The following NEK5 variants were observed in gnomAD, a reference collection of about 807,000 sequenced individuals.
NEK5 encodes the protein NIMA related kinase 5.
In NEK5, 88 loss-of-function variants were observed where a neutral mutation model predicts 109.2. The ratio of observed to expected loss-of-function variants is 0.81; its 90% CI spans 0.68 to 0.96. The LOEUF (loss-of-function observed/expected upper bound fraction) is 0.96, where lower values mean the gene tolerates loss of function less well. Among genes scored for constraint, NEK5 ranks in the 40% least tolerant of loss-of-function variants. The pLI is 0.00. For synonymous variants in NEK5, 283 were observed against 299.9 expected (o/e 0.94, Z 0.58); for missense variants, 834 against 920.7 (o/e 0.91, Z 1.22).
Position 52,101,981 on chromosome 13 carries a change from A to C in NEK5, c.844T>G (p.Cys282Gly), listed in dbSNP as rs1183654928. 2 of 1,614,216 alleles carry C rather than the reference A, an allele frequency of 1.2e-6. No homozygotes were observed. The highest frequency in any genetic ancestry group is 1.7e-6 in the Non-Finnish European group (2 of 1,180,042). The change falls in exon 11 of 24, where the codon TGC (cysteine) becomes GGC (glycine). Residue 282 changes from cysteine (C) to glycine (G), a missense_variant. By Grantham distance (159) the Cys-to-Gly change is radical (BLOSUM62 -3). Transcript: ENST00000684899. ...IQEEFSHMLI[C>G]RAGAPASRHA... is the part of the protein sequence containing the mutation. ...CGAGAAGCTGGCGCTCCTGCTCTGC[A>C]TATAAGCATGTGACTGAATTCTTCC...
chr13:52,062,843 C>T (rs1185594588), intron 21 of NEK5, among the ~76,000 whole-genome samples: 1 of 152,066 alleles, frequency 6.6e-6, no homozygotes, highest in Non-Finnish European at 1.5e-5. Flanking sequence ...GGCTTCAAAG[C>T]AATTTATATG....
In NEK5 at chr13:52,054,724, C is replaced by T. The variant is rs1307426062; in HGVS notation, c.2111-4503G>A. 7.2e-5 allele frequency among the ~76,000 whole-genome samples: 11 copies of T among 152,334 alleles called. No homozygotes were observed. The East Asian group carries it at 1.7e-3, about 24-fold the overall frequency. On this transcript the variant is annotated intron_variant, in intron 22 of 23. Transcript: ENST00000684899. ...CACACGGCCGGGTACTCCAACAGACCTGCAGCTGAGGGTCCTGTCTGTTAG... is the reference window on the plus strand; with the variant it reads ...CACACGGCCGGGTACTCCAACAGACTTGCAGCTGAGGGTCCTGTCTGTTAG...
At chr13:52,070,784 GC>G (rs1457530809) in intron 20 of NEK5, among the ~76,000 whole-genome samples, 1 of 152,168 alleles carries the variant, frequency 6.6e-6, no homozygotes, top group Non-Finnish European at 1.5e-5. Flanking sequence ...GGTCACATAA[GC>G]AAATAAGGCA....
chr13:52,119,223 ATTAAT>A (rs1651859209), intron 4 of NEK5, 91 bp downstream of exon 4: 2 of 544,716 alleles, frequency 3.7e-6, no homozygotes, highest in Non-Finnish European at 3.0e-6. Context: ...ATTTACAAAA[ATTAAT>A]TTATACACAG....
At chr13:52,096,028 G>A (rs1300066097) in intron 12 of NEK5, among the ~76,000 whole-genome samples, 1 of 152,064 alleles carries the variant, frequency 6.6e-6, no homozygotes, top group African/African-American at 2.4e-5. Context: ...GTTTGTAGCG[G>A]CTACCCCTTC....
At chr13:52,055,999 T>G (rs1293887254) in intron 22 of NEK5, among the ~76,000 whole-genome samples, 1 of 152,010 alleles carries the variant, frequency 6.6e-6, no homozygotes, top group East Asian at 1.9e-4. Context: ...AGACACAGAC[T>G]GGCAAATTGG....
intron 23 of NEK5, among the ~76,000 whole-genome samples, chr13:52,043,208 T>C (rs1422912855): frequency 6.6e-6 from 1 of 151,886 alleles, no homozygotes; most frequent in African/African-American, 2.4e-5. Flanking sequence ...AAGGGACACT[T>C]TACTTTTTAA....
intron 13 of NEK5, among the ~76,000 whole-genome samples, chr13:52,090,090 A>C (rs1955246910): frequency 6.6e-6 from 1 of 152,218 alleles, no homozygotes. Flanking sequence ...CCGCACATAA[A>C]TGCTTAATGA....
intron 9 of NEK5, among the ~76,000 whole-genome samples, chr13:52,102,654 C>T (rs1379190061): frequency 4.6e-5 from 7 of 152,340 alleles, no homozygotes; most frequent in Middle Eastern, 3.4e-3. Flanking sequence ...GATTGCGTCA[C>T]TGCACTCCAG....
chr13:52,053,249 C>T (rs763931998), intron 22 of NEK5, among the ~76,000 whole-genome samples: 10 of 151,662 alleles, frequency 6.6e-5, no homozygotes, highest in African/African-American at 2.2e-4. Flanking sequence ...TGCAGTGAGC[C>T]GAAACTCCAA....
chr13:52,101,963 C>G lies in NEK5; in HGVS notation c.862G>C (p.Ala288Pro), dbSNP rs763973334. 1 of 1,614,154 alleles carries G rather than the reference C, an allele frequency of 6.2e-7. No homozygotes were observed. Among genetic ancestry groups the G allele is most frequent in the Non-Finnish European group, 8.5e-7 (1 of 1,180,000 alleles). ...HMLICRAGAP[A>P]SRHAGKVVQK... ...ACCACCTTCCCAGCATGTCGAGAAG[C>G]TGGCGCTCCTGCTCTGCATATAAGC... Residue 288 changes from alanine (A) to proline (P), a missense_variant, in exon 11 of 24, where the codon GCT becomes CCT. Ala to Pro is a conservative substitution (Grantham distance 27, BLOSUM62 -1). This residue lies in a region of NEK5 where 777 missense variants were observed against 824.7 expected (regional missense o/e 0.94). Transcript: ENST00000684899.
intron 12 of NEK5, among the ~76,000 whole-genome samples, chr13:52,096,870 C>T (rs1955428021): frequency 6.6e-6 from 1 of 152,134 alleles, no homozygotes. Flanking sequence ...TTGAGGCAGC[C>T]CCTCTCATCA....
At chr13:52,107,144 G>T (rs1436198423) in intron 8 of NEK5, among the ~76,000 whole-genome samples, 1 of 152,108 alleles carries the variant, frequency 6.6e-6, no homozygotes, top group African/African-American at 2.4e-5. Context: ...GAAGAGAAAT[G>T]GCTTTCTTCT....
At chr13:52,110,760 T>C (rs1402866897) in intron 5 of NEK5, among the ~76,000 whole-genome samples, 183 bp from the exon 6 acceptor site, 3 of 152,180 alleles carry the variant, frequency 2.0e-5, no homozygotes, top group Non-Finnish European at 4.4e-5. Flanking sequence ...ATTTTCATTC[T>C]ACAACTAAAA....
chr13:52,051,369 C>G (rs1490365769), intron 22 of NEK5, among the ~76,000 whole-genome samples: 2 of 152,150 alleles, frequency 1.3e-5, no homozygotes, highest in Non-Finnish European at 2.9e-5. Context: ...GTGAAGGAAT[C>G]TGCAGGAGAC....
intron 17 of NEK5, among the ~76,000 whole-genome samples, chr13:52,079,447 G>A (rs1230650345): frequency 1.3e-5 from 2 of 152,208 alleles, no homozygotes; most frequent in African/African-American, 4.8e-5. Context: ...TTGCAGGGGC[G>A]CACCGCCACG....
intron 13 of NEK5, among the ~76,000 whole-genome samples, chr13:52,092,628 G>C (rs1367502184): frequency 1.3e-5 from 2 of 152,202 alleles, no homozygotes; most frequent in Admixed American, 1.3e-4. Flanking sequence ...GCTCATGCCT[G>C]TAATCCCAGC....
chr13:52,076,365 T>C (rs1342543975), intron 17 of NEK5, among the ~76,000 whole-genome samples: 8 of 152,186 alleles, frequency 5.3e-5, no homozygotes, highest in African/African-American at 1.7e-4. Context: ...ACAATACTTA[T>C]CACTCCAGTC....
chr13:52,086,475 A>G, intron 15 of NEK5, 112 bp from the exon 16 acceptor site: 1 of 709,010 alleles, frequency 1.4e-6, no homozygotes, highest in Non-Finnish European at 2.5e-6. Flanking sequence ...AAGGTTAGAA[A>G]AATATGTTGC....
Sources: gnomAD v4.1 joint callset for allele counts (sites outside exome capture counted in the v4.1 genomes callset) on GRCh38, gnomAD v4.1.1 for gene constraint, gnomAD v4.1.1 regional missense constraint, MANE v1.5 for transcripts, NCBI Gene and HGNC (gene_info 2026-07-23, HGNC 2026-07-21) for gene names.